The following RAB7A variants were observed in gnomAD, a reference collection of about 807,000 sequenced individuals.
RAB7A encodes RAB7A, member RAS oncogene family.
Under a neutral mutation model 24.5 loss-of-function variants are expected in RAB7A, and 2 were observed. The ratio of observed to expected loss-of-function variants is 0.08; its 90% CI spans 0.03 to 0.26. RAB7A has a LOEUF of 0.26. RAB7A is among the 10% of genes least tolerant of loss of function. The probability of loss-of-function intolerance (pLI) is 1.00; values close to 1 mark genes in which losing one functional copy is unlikely to be tolerated. For synonymous variants in RAB7A, 100 were observed against 95.9 expected (o/e 1.04, Z -0.25); for missense variants, 118 against 255.7 (o/e 0.46, Z 3.67).
At chr3:128,744,485 T>G (rs575583942) in intron 1 of RAB7A, among the ~76,000 whole-genome samples, 2 of 152,362 alleles carry the variant, frequency 1.3e-5, no homozygotes, top group South Asian at 4.1e-4. Context: ...TGCATTATTA[T>G]CGACTACATT....
At chr3:128,732,827 A>G (rs1173796265) in intron 1 of RAB7A, among the ~76,000 whole-genome samples, 2 of 151,826 alleles carry the variant, frequency 1.3e-5, no homozygotes, top group Non-Finnish European at 2.9e-5. Context: ...ACCCTGTCTC[A>G]AGAAAAAAGA....
chr3:128,751,053 C>T (rs2070676092), intron 1 of RAB7A, among the ~76,000 whole-genome samples: 1 of 152,230 alleles, frequency 6.6e-6, no homozygotes, highest in South Asian at 2.1e-4. Context: ...GGTTTGGGAA[C>T]CTCTGCCTAG....
At chr3:128,774,258 C>A (rs1225481476) in intron 1 of RAB7A, among the ~76,000 whole-genome samples, 1 of 149,980 alleles carries the variant, frequency 6.7e-6, no homozygotes, top group Non-Finnish European at 1.5e-5. Flanking sequence ...GGCAGTCTGA[C>A]TCCCCTAGGA....
At position 128,813,594 on chromosome 3, in the gene RAB7A, C is replaced by G. The variant is rs2107618540; in HGVS notation, c.*172C>G. On this transcript the variant is annotated 3_prime_UTR_variant, in exon 6 of 6. Transcript: ENST00000265062. ...ACACCCCACATATCTCTCACACACA[C>G]ACACACACGCACACACACACACACA... 1.7e-6 allele frequency: 1 copy of G among 592,740 alleles called. No homozygotes were observed. Among genetic ancestry groups the G allele is most frequent in the South Asian group, 1.6e-5 (1 of 61,072 alleles). 36.7% of individuals were successfully genotyped at this position (592,740 alleles called of 1,614,324 possible).
intron 1 of RAB7A, among the ~76,000 whole-genome samples, chr3:128,746,866 T>C (rs964795991): frequency 6.6e-6 from 1 of 151,678 alleles, no homozygotes; most frequent in Non-Finnish European, 1.5e-5. Context: ...ATTGGTGATA[T>C]CACGTGGTAA....
At chr3:128,763,613 G>A (rs1576283045) in intron 1 of RAB7A, among the ~76,000 whole-genome samples, 1 of 152,038 alleles carries the variant, frequency 6.6e-6, no homozygotes, top group African/African-American at 2.4e-5. Flanking sequence ...TGGTATTAAG[G>A]TAGTCACAGC....
At chr3:128,782,593 C>T (rs531965830) in intron 1 of RAB7A, among the ~76,000 whole-genome samples, 2 of 147,502 alleles carry the variant, frequency 1.4e-5, no homozygotes, top group Non-Finnish European at 3.0e-5. Flanking sequence ...TTGTGACACA[C>T]ATCAGCATGC....
At chr3:128,769,281 C>G (rs1048905234) in intron 1 of RAB7A, among the ~76,000 whole-genome samples, 1 of 152,150 alleles carries the variant, frequency 6.6e-6, no homozygotes, top group Admixed American at 6.5e-5. Context: ...TACAGGAGTT[C>G]CATCTGCTCC....
At chr3:128,812,086 C>G (rs1459660902) in intron 5 of RAB7A, among the ~76,000 whole-genome samples, 1 of 151,902 alleles carries the variant, frequency 6.6e-6, no homozygotes, top group Non-Finnish European at 1.5e-5. Flanking sequence ...TGATGGCTGC[C>G]CAACTTTCTG....
At chr3:128,764,484 G>C in intron 1 of RAB7A, 2 of 781,272 alleles carry the variant, frequency 2.6e-6, no homozygotes, top group East Asian at 4.9e-5. Flanking sequence ...CATTATCACT[G>C]TCTCCCAGGG....
chr3:128,809,257 G>A (rs75297433), intron 5 of RAB7A, among the ~76,000 whole-genome samples: 3 of 152,282 alleles, frequency 2.0e-5, no homozygotes, highest in Non-Finnish European at 4.4e-5. Flanking sequence ...GTAAGTCAGG[G>A]TGCCAGGTTG....
At chr3:128,795,702 T>C (rs1933552044) in intron 2 of RAB7A, among the ~76,000 whole-genome samples, 2 of 149,538 alleles carry the variant, frequency 1.3e-5, no homozygotes, top group Non-Finnish European at 3.0e-5. Flanking sequence ...GGCTGGGGAG[T>C]CTTCCTTACG....
At chr3:128,800,613 A>G (rs1933678288) in intron 3 of RAB7A, among the ~76,000 whole-genome samples, 1 of 152,222 alleles carries the variant, frequency 6.6e-6, no homozygotes, top group South Asian at 2.1e-4. Flanking sequence ...AAAAAGGCTT[A>G]AAAATAGACT....
chr3:128,733,987 A>G (rs1364132942), intron 1 of RAB7A, among the ~76,000 whole-genome samples: 2 of 152,236 alleles, frequency 1.3e-5, no homozygotes, highest in East Asian at 3.8e-4. Context: ...TCCCTCTGGT[A>G]GAAAGCCATT....
intron 1 of RAB7A, among the ~76,000 whole-genome samples, chr3:128,788,724 G>A (rs1225542625): frequency 6.6e-6 from 1 of 152,164 alleles, no homozygotes; most frequent in Non-Finnish European, 1.5e-5. Flanking sequence ...CTTCCCTGCT[G>A]TCCTCATTTT....
chr3:128,755,918 C>G (rs1252991822), intron 1 of RAB7A, among the ~76,000 whole-genome samples: 2 of 152,172 alleles, frequency 1.3e-5, no homozygotes, highest in African/African-American at 4.8e-5. Context: ...TCCCTCCCCC[C>G]TAAAGTGATA....
chr3:128,733,669 TCTC>T (rs760708418), intron 1 of RAB7A, among the ~76,000 whole-genome samples: 22 of 152,194 alleles, frequency 1.4e-4, no homozygotes, highest in Non-Finnish European at 3.1e-4. Flanking sequence ...TGTGTCCTAT[TCTC>T]CTTTTCTTTT....
chr3:128,770,735 C>G (rs897302939), intron 1 of RAB7A, among the ~76,000 whole-genome samples: 1 of 152,058 alleles, frequency 6.6e-6, no homozygotes, highest in East Asian at 1.9e-4. Context: ...TTTCTGCTGT[C>G]AAATGAATAT....
At position 128,793,834 on chromosome 3, in the gene RAB7A, C is replaced by T. The variant is rs114979541; in HGVS notation, c.-8-1526C>T. ...GGCTGAGATACCGTGTCTTCACAGTCCAGCCATGGGCATGAGGCTTTTGGC... is the reference window on the plus strand; with the variant it reads ...GGCTGAGATACCGTGTCTTCACAGTTCAGCCATGGGCATGAGGCTTTTGGC... On this transcript the variant is annotated intron_variant, in intron 1 of 5. Coordinates refer to ENST00000265062, the MANE Select transcript of RAB7A (RefSeq NM_004637.6). Among the ~76,000 whole-genome samples, 1,084 of 152,348 alleles carry T rather than the reference C, an allele frequency of 7.1e-3. 6 individuals carry two copies. Among genetic ancestry groups the T allele is most frequent in the Admixed American group, 0.015 (226 of 15,306 alleles).
Sources: allele counts gnomAD v4.1 joint callset (sites outside exome capture counted in the v4.1 genomes callset), GRCh38; gene constraint gnomAD v4.1.1; transcripts MANE v1.5; gene names NCBI Gene and HGNC (gene_info 2026-07-23, HGNC 2026-07-21).